The following SHANK2 variants were observed in gnomAD, a reference collection of about 807,000 sequenced individuals.
SHANK2 encodes SH3 and multiple ankyrin repeat domains 2.
SHANK2 carries 43 observed loss-of-function variants against 133.7 expected under a neutral mutation model. That is an observed-to-expected ratio of 0.32 (90% CI 0.25 to 0.41). The LOEUF is 0.41. SHANK2 is among the 10% of genes least tolerant of loss of function. The probability of loss-of-function intolerance (pLI) is 1.00; values close to 1 mark genes in which losing one functional copy is unlikely to be tolerated. For synonymous variants in SHANK2, 1,017 were observed against 952.8 expected, an observed-to-expected ratio of 1.07 and a Z score of -1.24; for missense variants, 1,994 against 2,235.8, an observed-to-expected ratio of 0.89 and a Z score of 2.18.
At chr11:70,737,976 A>C (rs571794038) in intron 14 of SHANK2, among the ~76,000 whole-genome samples, 1 of 152,364 alleles carries the variant, frequency 6.6e-6, no homozygotes, top group East Asian at 1.9e-4. Context: ...TCACACCAGA[A>C]TCTGGGCCCA....
intron 25 of SHANK2, among the ~76,000 whole-genome samples, chr11:70,481,640 G>T (rs1363073827): frequency 6.6e-6 from 1 of 152,230 alleles, no homozygotes; most frequent in Admixed American, 6.5e-5. Context: ...AGCATGGCTG[G>T]TTTTCAATTT....
At chr11:70,930,324 C>A (rs1950485052) in intron 10 of SHANK2, among the ~76,000 whole-genome samples, 1 of 152,142 alleles carries the variant, frequency 6.6e-6, no homozygotes, top group East Asian at 1.9e-4. Flanking sequence ...CTCCTTTTGT[C>A]TGGATCCTGG....
intron 17 of SHANK2, among the ~76,000 whole-genome samples, chr11:70,602,496 A>G (rs2060513788): frequency 6.6e-6 from 1 of 152,206 alleles, no homozygotes; most frequent in Admixed American, 6.5e-5. Context: ...GGAGGGGGTC[A>G]CACGTCCCTC....
chr11:70,568,646 G>GGCCCCCCC (rs2059999450), intron 17 of SHANK2, among the ~76,000 whole-genome samples: 6 of 79,966 alleles, frequency 7.5e-5, no homozygotes, highest in African/African-American at 1.2e-4. Context: ...GCGGATTCCT[G>GGCCCCCCC]CCCCCCCCGC....
intron 6 of SHANK2, among the ~76,000 whole-genome samples, chr11:71,106,240 T>C (rs1396874985): frequency 1.3e-5 from 2 of 152,260 alleles, no homozygotes; most frequent in Admixed American, 6.5e-5. Context: ...CAAAGCTGGT[T>C]CATAAAATTG....
At chr11:70,861,055 G>A (rs1949251197) in intron 11 of SHANK2, among the ~76,000 whole-genome samples, 1 of 152,198 alleles carries the variant, frequency 6.6e-6, no homozygotes, top group Admixed American at 6.5e-5. Context: ...CCCCTTGTGG[G>A]AGGGAAGCAT....
intron 12 of SHANK2, among the ~76,000 whole-genome samples, chr11:70,817,652 T>A (rs1555054700): frequency 1.3e-5 from 2 of 152,210 alleles, no homozygotes; most frequent in African/African-American, 4.8e-5. Context: ...CAATGTGGAA[T>A]GCGCACTGGC....
chr11:70,648,246 G>A (rs889495587), intron 17 of SHANK2, among the ~76,000 whole-genome samples: 2 of 152,178 alleles, frequency 1.3e-5, no homozygotes, highest in African/African-American at 4.8e-5. Context: ...GGCTGGGAGG[G>A]AGATGGAGAG....
At position 70,609,754 on chromosome 11, in the gene SHANK2, T is replaced by TATATGTATATAG. The variant is rs1232494986; in HGVS notation, c.2061+50073_2061+50074insCTATATACATAT. On this transcript the variant is annotated intron_variant, in intron 17 of 25. Transcript: ENST00000601538. ...TATACATGTACTATATTGCATATTG[T>TATATGTATATAG]ATATACATGTACTATATTGTATATT... is the stretch of plus-strand genomic sequence containing the variant. Among the ~76,000 whole-genome samples the TATATGTATATAG allele has an allele frequency of 3.8e-3, 570 of 150,114 alleles. 4 individuals are homozygous for TATATGTATATAG. The highest frequency in any genetic ancestry group is 0.014 in the African/African-American group (552 of 40,754).
At chr11:70,562,776 T>A (rs1371087135) in intron 17 of SHANK2, among the ~76,000 whole-genome samples, 4 of 152,254 alleles carry the variant, frequency 2.6e-5, no homozygotes, top group African/African-American at 4.8e-5. Context: ...GAAGTTTAAC[T>A]CTGTCCTCTT....
chr11:70,941,801 C>A (rs1477688654), intron 10 of SHANK2, among the ~76,000 whole-genome samples: 1 of 152,088 alleles, frequency 6.6e-6, no homozygotes, highest in Non-Finnish European at 1.5e-5. Context: ...CAGCCTACAG[C>A]ACTTTGCTAT....
intron 2 of SHANK2, among the ~76,000 whole-genome samples, chr11:71,180,886 A>G (rs905099758): frequency 3.9e-5 from 6 of 151,946 alleles, no homozygotes; most frequent in Non-Finnish European, 8.8e-5. Context: ...CCCTCCACCA[A>G]CGCCCACGAG....
chr11:70,904,150 C>G (rs931626675), intron 10 of SHANK2, among the ~76,000 whole-genome samples: 2 of 152,158 alleles, frequency 1.3e-5, no homozygotes, highest in Non-Finnish European at 2.9e-5. Context: ...AACTCAGAAA[C>G]AAACCACTCA....
At chr11:70,938,251 G>T (rs1465459033) in intron 10 of SHANK2, among the ~76,000 whole-genome samples, 1 of 152,138 alleles carries the variant, frequency 6.6e-6, no homozygotes, top group Non-Finnish European at 1.5e-5. Flanking sequence ...GTGGTGGAGG[G>T]GGGTGTCCTG....
intron 15 of SHANK2, among the ~76,000 whole-genome samples, chr11:70,687,943 C>T (rs987830325): frequency 4.6e-5 from 7 of 152,322 alleles, no homozygotes; most frequent in African/African-American, 9.6e-5. Context: ...ATGTACTAAA[C>T]GTGGTCTGAG....
intron 17 of SHANK2, 123 bp from the exon 18 acceptor site, chr11:70,503,054 GT>G (rs1339739075): frequency 9.5e-7 from 1 of 1,053,400 alleles, no homozygotes; most frequent in Non-Finnish European, 1.5e-6. Flanking sequence ...AGCAAAGGGA[GT>G]GAGACCGTCA....
At chr11:70,778,703 C>T (rs1947420074) in intron 14 of SHANK2, among the ~76,000 whole-genome samples, 1 of 152,214 alleles carries the variant, frequency 6.6e-6, no homozygotes, top group Non-Finnish European at 1.5e-5. Flanking sequence ...AGCTTCTAGA[C>T]TCCAGAATTG....
At chr11:70,697,110 G>A (rs1336428022) in intron 15 of SHANK2, among the ~76,000 whole-genome samples, 1 of 152,212 alleles carries the variant, frequency 6.6e-6, no homozygotes, top group African/African-American at 2.4e-5. Flanking sequence ...GGAGTCTGAG[G>A]GAGGTAGAGT....
chr11:70,914,126 A>T (rs1378454369), intron 10 of SHANK2, among the ~76,000 whole-genome samples: 1 of 152,152 alleles, frequency 6.6e-6, no homozygotes, highest in Non-Finnish European at 1.5e-5. Context: ...GCCCAGCCAC[A>T]CTGCCACTGC....
Sources: gnomAD v4.1 joint callset for allele counts (sites outside exome capture counted in the v4.1 genomes callset) on GRCh38, gnomAD v4.1.1 for gene constraint, MANE v1.5 for transcripts, NCBI Gene and HGNC (gene_info 2026-07-23, HGNC 2026-07-21) for gene names.